The following ENPP2 variants were observed in gnomAD, a reference collection of about 807,000 sequenced individuals.
ENPP2 encodes the protein autotaxin.
Under a neutral mutation model 120.2 loss-of-function variants are expected in ENPP2, and 51 were observed. That is an observed-to-expected ratio of 0.42 (90% CI 0.34 to 0.54). The LOEUF (loss-of-function observed/expected upper bound fraction) is 0.54. ENPP2 is among the 20% of genes least tolerant of loss of function. The probability of loss-of-function intolerance (pLI) is 0.04; values close to 1 mark genes in which losing one functional copy is unlikely to be tolerated. For synonymous variants in ENPP2, 365 were observed against 366.4 expected, an observed-to-expected ratio of 1.00 and a Z score of 0.04; for missense variants, 920 against 1,066.5, an observed-to-expected ratio of 0.86 and a Z score of 1.91.
At position 119,591,264 on chromosome 8, in the gene ENPP2, T is replaced by A. The variant is rs543498946; in HGVS notation, c.1082-634A>T. 2.2e-3 allele frequency among the ~76,000 whole-genome samples: 336 copies of A among 152,180 alleles called. 1 individual carries two copies. Among genetic ancestry groups the A allele is most frequent in the African/African-American group, 7.4e-3 (309 of 41,536 alleles). Reference sequence around the variant, plus strand: ...CCCAAACTGAAAAACAAAATAACACTGAAAACAAGTTGTAAACAATGTAAT... The same window carrying A: ...CCCAAACTGAAAAACAAAATAACACAGAAAACAAGTTGTAAACAATGTAAT... On this transcript the variant is annotated intron_variant, in intron 12 of 24. Transcript: ENST00000075322.
At chr8:119,629,461 G>A (rs1816508502) in intron 2 of ENPP2, among the ~76,000 whole-genome samples, 1 of 152,294 alleles carries the variant, frequency 6.6e-6, no homozygotes, top group African/African-American at 2.4e-5. Flanking sequence ...GTTCACCCAA[G>A]CCATTTATCT....
At chr8:119,649,465 T>C (rs967001505) in intron 1 of ENPP2, among the ~76,000 whole-genome samples, 27 of 150,664 alleles carry the variant, frequency 1.8e-4, no homozygotes, top group African/African-American at 6.1e-4. Flanking sequence ...AGGTCTAAAA[T>C]ACTTAGAAAT....
chr8:119,636,229 T>C (rs1393397644), intron 2 of ENPP2, among the ~76,000 whole-genome samples: 4 of 152,176 alleles, frequency 2.6e-5, no homozygotes, highest in Non-Finnish European at 5.9e-5. Context: ...GTCACATGTG[T>C]CAATCGAGAG....
intron 14 of ENPP2, 21 bp downstream of exon 14, chr8:119,587,023 G>T (rs535128167): frequency 1.4e-5 from 22 of 1,606,614 alleles, no homozygotes; most frequent in Non-Finnish European, 1.8e-5. Context: ...GGGCAGAGGC[G>T]GGACAACTGG....
intron 1 of ENPP2, among the ~76,000 whole-genome samples, chr8:119,656,376 C>T (rs181565406): frequency 4.5e-4 from 68 of 152,244 alleles, no homozygotes; most frequent in African/African-American, 1.6e-3. Context: ...GAGCTGGGAG[C>T]GATCTCTCTG....
At chr8:119,568,865 C>A (rs987023173) in intron 21 of ENPP2, among the ~76,000 whole-genome samples, 2 of 152,182 alleles carry the variant, frequency 1.3e-5, no homozygotes, top group African/African-American at 4.8e-5. Flanking sequence ...TCCCAAAGTG[C>A]TGGAATTACT....
At chr8:119,628,820 G>C (rs1309710417) in intron 2 of ENPP2, among the ~76,000 whole-genome samples, 2 of 152,142 alleles carry the variant, frequency 1.3e-5, no homozygotes, top group African/African-American at 4.8e-5. Flanking sequence ...GTCCAAGTTT[G>C]CATCACGTTT....
chr8:119,630,642 C>A (rs1276604544), intron 2 of ENPP2, among the ~76,000 whole-genome samples: 1 of 152,122 alleles, frequency 6.6e-6, no homozygotes, highest in Non-Finnish European at 1.5e-5. Flanking sequence ...TTAGAGTTAG[C>A]CTTACACTCA....
chr8:119,630,715 A>G (rs544047002), intron 2 of ENPP2, among the ~76,000 whole-genome samples: 4 of 152,174 alleles, frequency 2.6e-5, no homozygotes, highest in Admixed American at 6.5e-5. Flanking sequence ...ACAGCTTCAA[A>G]TTAGGGTATA....
intron 1 of ENPP2, among the ~76,000 whole-genome samples, chr8:119,651,335 C>T (rs139770832): frequency 2.7e-4 from 41 of 152,214 alleles, no homozygotes; most frequent in Admixed American, 1.4e-3. Flanking sequence ...AGCTAGTATT[C>T]GGTAATTGTT....
chr8:119,571,058 A>C, intron 19 of ENPP2: 1 of 357,478 alleles, frequency 2.8e-6, no homozygotes, highest in Non-Finnish European at 5.0e-6. Flanking sequence ...TCAAAACCAT[A>C]ATGTAAATGC....
chr8:119,582,430 C>G lies in ENPP2; in HGVS notation c.1716G>C (p.Lys572Asn). ...AGATTATTTCTACCTTTGGCTCTAC[C>G]TTATCATCACAAGTGCAGCCCAGGT... is the stretch of plus-strand genomic sequence containing the variant. ...DFDLGCTCDDKVEPKNKLDEL... is the reference protein window; with the variant it reads ...DFDLGCTCDDNVEPKNKLDEL... The change falls in exon 18 of 25, where the codon AAG (lysine) becomes AAC (asparagine). Residue 572 changes from lysine (K) to asparagine (N), a missense_variant. By Grantham distance (94) the Lys-to-Asn change is moderately conservative. Transcript: ENST00000075322. 1 of 1,613,550 alleles carries G rather than the reference C, an allele frequency of 6.2e-7. No individual in the cohort carries two copies.
chr8:119,644,587 A>AATATGT (rs1448258331), intron 1 of ENPP2, among the ~76,000 whole-genome samples: 4 of 59,978 alleles, frequency 6.7e-5, no homozygotes, highest in Non-Finnish European at 6.5e-5. Context: ...AGATTACTAA[A>AATATGT]ATATATATAT....
At chr8:119,564,991 A>T in intron 22 of ENPP2, 36 bp from the exon 23 acceptor site, 2 of 1,600,072 alleles carry the variant, frequency 1.2e-6, no homozygotes, top group Non-Finnish European at 1.7e-6. Flanking sequence ...TCAATTATTC[A>T]TGAAGAAAAC....
At chr8:119,654,933 A>G (rs1051230388) in intron 1 of ENPP2, among the ~76,000 whole-genome samples, 5 of 152,230 alleles carry the variant, frequency 3.3e-5, no homozygotes, top group African/African-American at 9.6e-5. Flanking sequence ...GAGTTACTCA[A>G]ATTCAATTAA....
At chr8:119,562,515 A>G (rs184619868) in intron 24 of ENPP2, among the ~76,000 whole-genome samples, 22 of 152,322 alleles carry the variant, frequency 1.4e-4, no homozygotes, top group Admixed American at 1.4e-3. Flanking sequence ...ACCTCTTACC[A>G]AGCTTCAACA....
At position 119,565,684 on chromosome 8, in the gene ENPP2, C is replaced by T. The variant is rs984259439; in HGVS notation, c.2132-729G>A. Among the ~76,000 whole-genome samples, 11 of 149,956 alleles carry T rather than the reference C, an allele frequency of 7.3e-5. No homozygotes were observed. The South Asian group carries it at 2.4e-3, about 32-fold the overall frequency. ...CCAATTATCCCAAATTTGACCACCT[C>T]TCATCTTTTCACTGCTCTATCCTGG... On this transcript the variant is annotated intron_variant, in intron 22 of 24. Coordinates refer to ENST00000075322, the MANE Select transcript of ENPP2 (RefSeq NM_001040092.3).
At chr8:119,590,446 C>T in intron 13 of ENPP2, 59 bp downstream of exon 13, 7 of 1,351,216 alleles carry the variant, frequency 5.2e-6, no homozygotes, top group Non-Finnish European at 6.9e-6. Context: ...GAAAACAAGC[C>T]CTTACCTATT....
intron 1 of ENPP2, among the ~76,000 whole-genome samples, chr8:119,644,172 G>A (rs547089765): frequency 1.3e-5 from 2 of 152,038 alleles, no homozygotes; most frequent in Non-Finnish European, 2.9e-5. Context: ...AGATTTTGAA[G>A]CATTAATCTC....
Sources: allele counts gnomAD v4.1 joint callset (sites outside exome capture counted in the v4.1 genomes callset), GRCh38; gene constraint gnomAD v4.1.1; transcripts MANE v1.5; gene names NCBI Gene and HGNC (gene_info 2026-07-23, HGNC 2026-07-21).